The following ATP8A1 variants were observed in gnomAD, a reference collection of about 807,000 sequenced individuals.
ATP8A1 encodes ATPase phospholipid transporting 8A1.
A neutral mutation model predicts 177.7 loss-of-function variants in ATP8A1; 90 were observed. The ratio of observed to expected loss-of-function variants is 0.51; its 90% CI spans 0.43 to 0.60. The LOEUF (loss-of-function observed/expected upper bound fraction) is 0.60. Ranked by LOEUF, ATP8A1 falls within the 20% of genes least tolerant of loss-of-function variation. The pLI is 0.00. For synonymous variants in ATP8A1, 493 were observed against 485.9 expected (o/e 1.01, Z -0.19); for missense variants, 1,072 against 1,392.8 (o/e 0.77, Z 3.67).
chr4:42,652,034 T>G (rs2109587391), intron 1 of ATP8A1, among the ~76,000 whole-genome samples: 1 of 152,364 alleles, frequency 6.6e-6, no homozygotes, highest in Middle Eastern at 3.4e-3. Flanking sequence ...ATTTTTCCAC[T>G]ATCAGGGTTT....
At chr4:42,449,429 A>G (rs1717694990) in intron 30 of ATP8A1, among the ~76,000 whole-genome samples, 1 of 152,196 alleles carries the variant, frequency 6.6e-6, no homozygotes, top group Admixed American at 6.5e-5. Context: ...GTGGATGGCA[A>G]AAGGGTCTTG....
At chr4:42,603,438 CTTA>C in intron 5 of ATP8A1, among the ~76,000 whole-genome samples, 1 of 152,166 alleles carries the variant, frequency 6.6e-6, no homozygotes, top group African/African-American at 2.4e-5. Context: ...TGTTACTTCA[CTTA>C]TTAGTTTGGG....
intron 27 of ATP8A1, among the ~76,000 whole-genome samples, chr4:42,463,875 T>C (rs530037065): frequency 6.6e-6 from 1 of 152,300 alleles, no homozygotes; most frequent in South Asian, 2.1e-4. Flanking sequence ...TGCTTGTATG[T>C]AACAAAGATC....
Position 42,610,149 on chromosome 4 carries a change from T to C in ATP8A1, c.409+5884A>G, listed in dbSNP as rs1008573825. Reference sequence around the variant, plus strand: ...ATTTTGGAATCCCTACATCTCTCATTTGGCCCTTAATTTTTTTTTTTTTTT... The same window carrying C: ...ATTTTGGAATCCCTACATCTCTCATCTGGCCCTTAATTTTTTTTTTTTTTT... On this transcript the variant is annotated intron_variant, in intron 5 of 36. Transcript: ENST00000381668. Among the ~76,000 whole-genome samples the C allele has an allele frequency of 2.0e-5, 3 of 146,886 alleles. No homozygotes were observed. The East Asian group carries it at 5.8e-4, about 28-fold the overall frequency.
At position 42,542,436 on chromosome 4, in the gene ATP8A1, A is replaced by T. The variant is rs556657675; in HGVS notation, c.1722+1481T>A. On this transcript the variant is annotated intron_variant, in intron 20 of 36. Coordinates refer to ENST00000381668, the MANE Select transcript of ATP8A1 (RefSeq NM_006095.2). Reference sequence around the variant, plus strand: ...GAAGGTCTTAAAGGCTCTCTTTTTTAAAAAAAATTATTTATTTATTATTAT... The same window carrying T: ...GAAGGTCTTAAAGGCTCTCTTTTTTTAAAAAAATTATTTATTTATTATTAT... 9.8e-4 allele frequency among the ~76,000 whole-genome samples: 149 copies of T among 151,984 alleles called. 1 individual carries two copies. The highest frequency in any genetic ancestry group is 5.6e-3 in the South Asian group (27 of 4,822).
chr4:42,484,311 T>C (rs1560376833), intron 25 of ATP8A1, among the ~76,000 whole-genome samples: 1 of 152,204 alleles, frequency 6.6e-6, no homozygotes, highest in Non-Finnish European at 1.5e-5. Context: ...AAGAACTTTA[T>C]AGTAATATTA....
intron 1 of ATP8A1, among the ~76,000 whole-genome samples, chr4:42,642,843 A>C (rs1429151195): frequency 6.6e-6 from 1 of 152,224 alleles, no homozygotes; most frequent in South Asian, 2.1e-4. Context: ...TGTGATGGGC[A>C]TACAGATGAA....
At chr4:42,454,662 G>GTA (rs1491527118) in intron 29 of ATP8A1, among the ~76,000 whole-genome samples, 3 of 149,314 alleles carry the variant, frequency 2.0e-5, no homozygotes, top group Admixed American at 6.7e-5. Context: ...AGAAAATGAG[G>GTA]TGTGTGTGTG....
At chr4:42,551,318 G>GA (rs763154529) in intron 17 of ATP8A1, 38 bp from the exon 18 acceptor site, 1,157 of 1,391,248 alleles carry the variant, frequency 8.3e-4, no homozygotes, top group Admixed American at 1.8e-3. Context: ...ACACATGATT[G>GA]AAAAAAAAAT....
rs116909985 is a variant in ATP8A1, at chr4:42,600,047, T to C, written c.450+431A>G. Among the ~76,000 whole-genome samples, 800 of 152,326 alleles carry C rather than the reference T, an allele frequency of 5.3e-3. 13 individuals carry two copies. The highest frequency in any genetic ancestry group is 0.036 in the East Asian group (187 of 5,188). On this transcript the variant is annotated intron_variant, in intron 6 of 36. Coordinates refer to ENST00000381668, the MANE Select transcript of ATP8A1 (RefSeq NM_006095.2). ...TCATTAGAAGACAATGTTTAATTTG[T>C]AAGATTTTTGTTTTAAAGGAATTAG...
chr4:42,616,165 CT>C (rs1183418170), intron 4 of ATP8A1, 87 bp from the exon 5 acceptor site: 1 of 1,147,060 alleles, frequency 8.7e-7, no homozygotes, highest in Non-Finnish European at 1.3e-6. Context: ...AAAGATTTAG[CT>C]TATGTTTCTC....
Position 42,656,366 on chromosome 4 carries a change from C to A in ATP8A1, c.49+459G>T, listed in dbSNP as rs528739208. ...GCACCCGACCCCGATGAAGGCTCCC[C>A]GCGCTTCGAGAGCCAAGGGACTACG... On this transcript the variant is annotated intron_variant, in intron 1 of 36. Coordinates refer to ENST00000381668, the MANE Select transcript of ATP8A1 (RefSeq NM_006095.2). Among the ~76,000 whole-genome samples the A allele has an allele frequency of 4.6e-5, 7 of 152,304 alleles. No homozygotes were observed. In the East Asian group the frequency reaches 1.4e-3, roughly 29 times the overall value.
chr4:42,480,376 A>G (rs948253180), intron 25 of ATP8A1, among the ~76,000 whole-genome samples: 2 of 152,214 alleles, frequency 1.3e-5, no homozygotes, highest in African/African-American at 4.8e-5. Flanking sequence ...GTATGAAAGA[A>G]ATATTCTCTC....
At chr4:42,444,540 A>G (rs774527266) in intron 32 of ATP8A1, 38 bp downstream of exon 32, 1 of 1,582,024 alleles carries the variant, frequency 6.3e-7, no homozygotes, top group Admixed American at 1.7e-5. Flanking sequence ...GCACAAGTAA[A>G]TGTGACATTT....
At chr4:42,452,932 C>T (rs1340123986) in intron 29 of ATP8A1, among the ~76,000 whole-genome samples, 1 of 152,174 alleles carries the variant, frequency 6.6e-6, no homozygotes, top group Non-Finnish European at 1.5e-5. Context: ...CCAAAATTTT[C>T]CACTGTGAGC....
intron 20 of ATP8A1, among the ~76,000 whole-genome samples, chr4:42,543,095 T>TTTCATTTAA: frequency 6.6e-6 from 1 of 152,208 alleles, no homozygotes. Flanking sequence ...GAAATAATTC[T>TTTCATTTAA]ACCAAAATGC....
chr4:42,580,065 T>A (rs1293005748), intron 10 of ATP8A1, 87 bp from the exon 11 acceptor site: 5 of 1,071,218 alleles, frequency 4.7e-6, no homozygotes, highest in Non-Finnish European at 6.6e-6. Flanking sequence ...GATGACAAAG[T>A]CACAACTCAG....
At chr4:42,624,951 T>C (rs944911563) in intron 3 of ATP8A1, among the ~76,000 whole-genome samples, 4 of 151,214 alleles carry the variant, frequency 2.6e-5, no homozygotes, top group East Asian at 3.9e-4. Context: ...TGGGAAAATA[T>C]CCATACATTG....
intron 12 of ATP8A1, among the ~76,000 whole-genome samples, chr4:42,576,228 T>C (rs1272182170): frequency 6.6e-6 from 1 of 151,806 alleles, no homozygotes; most frequent in Non-Finnish European, 1.5e-5. Context: ...TCCCAGCACT[T>C]TGGGAGGCCA....
Sources: allele counts gnomAD v4.1 joint callset (sites outside exome capture counted in the v4.1 genomes callset), GRCh38; gene constraint gnomAD v4.1.1; transcripts MANE v1.5; gene names NCBI Gene and HGNC (gene_info 2026-07-23, HGNC 2026-07-21).